ZNF423: variants seen among roughly 807,000 people sequenced by gnomAD.
The protein encoded by ZNF423 is Ebf-associated zinc finger protein.
Under a neutral mutation model 95.8 loss-of-function variants are expected in ZNF423, and 12 were observed. That is an observed-to-expected ratio of 0.13 (90% CI 0.08 to 0.20). The LOEUF (loss-of-function observed/expected upper bound fraction) is 0.20. ZNF423 is among the 10% of genes least tolerant of loss of function. The probability of loss-of-function intolerance (pLI) is 1.00; values close to 1 mark genes in which losing one functional copy is unlikely to be tolerated. For synonymous variants in ZNF423, 749 were observed against 711.9 expected, an observed-to-expected ratio of 1.05 and a Z score of -0.83; for missense variants, 1,316 against 1,737.1, an observed-to-expected ratio of 0.76 and a Z score of 4.31.
chr16:49,777,244 T>C (rs1028007692), intron 2 of ZNF423, among the ~76,000 whole-genome samples: 4 of 152,334 alleles, frequency 2.6e-5, no homozygotes, highest in Non-Finnish European at 4.4e-5. Context: ...AGTATGCATA[T>C]GCCAATGTGC....
intron 7 of ZNF423, among the ~76,000 whole-genome samples, chr16:49,503,691 G>A (rs968764183): frequency 2.0e-5 from 3 of 152,174 alleles, no homozygotes; most frequent in South Asian, 2.1e-4. Flanking sequence ...GGTTGTTGAC[G>A]CACCATGGCC....
chr16:49,854,656 C>T (rs1218184769), intron 1 of ZNF423: 1 of 985,254 alleles, frequency 1.0e-6, no homozygotes, highest in African/African-American at 1.7e-5. Context: ...GGGCTAGAAT[C>T]GGGACAAAGC....
intron 7 of ZNF423, among the ~76,000 whole-genome samples, chr16:49,506,460 G>A (rs970257318): frequency 5.3e-5 from 8 of 149,624 alleles, no homozygotes; most frequent in African/African-American, 2.0e-4. Context: ...ACAGATTGAT[G>A]GGTAGATGAA....
intron 3 of ZNF423, among the ~76,000 whole-genome samples, chr16:49,677,292 A>AGAAGAGAAGGGAAGG (rs2031125338): frequency 2.5e-5 from 2 of 81,050 alleles, no homozygotes; most frequent in Non-Finnish European, 5.0e-5. Context: ...AGAAGAGAAG[A>AGAAGAGAAGGGAAGG]GAAGAGAAGA....
chr16:49,674,925 G>A (rs755349788), intron 3 of ZNF423, among the ~76,000 whole-genome samples: 2 of 152,100 alleles, frequency 1.3e-5, no homozygotes, highest in Non-Finnish European at 2.9e-5. Flanking sequence ...CTTGGTGAGA[G>A]AAAACTCCAG....
chr16:49,585,160 A>G (rs555022534), intron 5 of ZNF423, among the ~76,000 whole-genome samples: 1 of 152,186 alleles, frequency 6.6e-6, no homozygotes, highest in Non-Finnish European at 1.5e-5. Context: ...ACTTCATCCA[A>G]TCTCTTCCCC....
intron 1 of ZNF423, among the ~76,000 whole-genome samples, chr16:49,821,193 G>A (rs566785523): frequency 2.0e-4 from 31 of 151,810 alleles, no homozygotes; most frequent in Non-Finnish European, 3.8e-4. Context: ...AAAACTGAAC[G>A]GGTTTAAAAG....
rs781376558 is a variant in ZNF423, at chr16:49,757,811, C to T, written c.101-26840G>A. ...CCGTGGCAGGTGGGAGATTAATTTCCCCCAGTGTACTGAAGGGGAAAGAAA... is the reference window on the plus strand; with the variant it reads ...CCGTGGCAGGTGGGAGATTAATTTCTCCCAGTGTACTGAAGGGGAAAGAAA... On this transcript the variant is annotated intron_variant, in intron 2 of 7. Transcript: ENST00000563137. Among the ~76,000 whole-genome samples, 24 of 152,288 alleles carry T rather than the reference C, an allele frequency of 1.6e-4. No individual in the cohort carries two copies. In the Middle Eastern group the frequency reaches 0.01, roughly 65 times the overall value.
intron 1 of ZNF423, among the ~76,000 whole-genome samples, chr16:49,813,871 T>C (rs929313794): frequency 1.3e-5 from 2 of 152,216 alleles, no homozygotes; most frequent in African/African-American, 2.4e-5. Flanking sequence ...CAAAAGCTCT[T>C]TGGACAGGGG....
chr16:49,763,739 C>A (rs1227061025), intron 2 of ZNF423, among the ~76,000 whole-genome samples: 1 of 152,124 alleles, frequency 6.6e-6, no homozygotes, highest in Non-Finnish European at 1.5e-5. Context: ...ATCTTTATTG[C>A]TGCGTTCATG....
At chr16:49,684,823 T>G (rs1292650048) in intron 3 of ZNF423, among the ~76,000 whole-genome samples, 2 of 152,072 alleles carry the variant, frequency 1.3e-5, no homozygotes, top group Admixed American at 6.5e-5. Flanking sequence ...CTGCCAAAGT[T>G]GGTGGACATA....
At chr16:49,497,727 T>A (rs530468737) in intron 7 of ZNF423, among the ~76,000 whole-genome samples, 2 of 152,350 alleles carry the variant, frequency 1.3e-5, no homozygotes, top group Admixed American at 6.5e-5. Flanking sequence ...CTCCAGGAGC[T>A]AGGGCCAAGC....
chr16:49,787,046 G>A (rs531257334), intron 2 of ZNF423, among the ~76,000 whole-genome samples: 5 of 152,244 alleles, frequency 3.3e-5, no homozygotes, highest in South Asian at 2.1e-4. Flanking sequence ...GAGCTGTCAC[G>A]ATGGCTCAGC....
chr16:49,543,633 G>T (rs1429601972), intron 5 of ZNF423, among the ~76,000 whole-genome samples: 3 of 152,364 alleles, frequency 2.0e-5, no homozygotes, highest in Middle Eastern at 3.4e-3. Context: ...GAGGAATGGG[G>T]CGCCTGGCGG....
intron 2 of ZNF423, among the ~76,000 whole-genome samples, chr16:49,742,237 G>A (rs1263771084): frequency 1.3e-5 from 2 of 152,124 alleles, no homozygotes; most frequent in Admixed American, 6.5e-5. Flanking sequence ...GGAAGGTAAA[G>A]AGAGATGGCA....
chr16:49,680,247 C>T (rs936455320), intron 3 of ZNF423, among the ~76,000 whole-genome samples: 2 of 152,202 alleles, frequency 1.3e-5, no homozygotes, highest in African/African-American at 2.4e-5. Context: ...GAGCTGGGCA[C>T]TTGTTGGGCG....
chr16:49,621,242 T>C (rs750783467), intron 5 of ZNF423, among the ~76,000 whole-genome samples: 2 of 152,058 alleles, frequency 1.3e-5, no homozygotes, highest in Non-Finnish European at 1.5e-5. Context: ...GGAGGAAGTG[T>C]CAAAGCCATT....
intron 5 of ZNF423, among the ~76,000 whole-genome samples, chr16:49,549,554 A>G (rs1263024690): frequency 6.6e-6 from 1 of 152,224 alleles, no homozygotes; most frequent in Non-Finnish European, 1.5e-5. Flanking sequence ...CGAGAAGGTG[A>G]CAGGTCTGGG....
At chr16:49,853,788 CA>C (rs1447336793) in intron 1 of ZNF423, 7 of 985,286 alleles carry the variant, frequency 7.1e-6, no homozygotes, top group Non-Finnish European at 8.4e-6. Context: ...TTGAAACACC[CA>C]CCCATCTGTT....
Sources: gnomAD v4.1 joint callset for allele counts (sites outside exome capture counted in the v4.1 genomes callset) on GRCh38, gnomAD v4.1.1 for gene constraint, MANE v1.5 for transcripts, NCBI Gene and HGNC (gene_info 2026-07-23, HGNC 2026-07-21) for gene names.